CCBE1: variants seen among roughly 807,000 people sequenced by gnomAD.
CCBE1 encodes the protein collagen and calcium binding EGF domains 1, also known as collagen and calcium-binding EGF domain-containing protein 1.
In CCBE1, 37 loss-of-function variants were observed where a neutral mutation model predicts 50.0. The ratio of observed to expected loss-of-function variants is 0.74; its 90% CI spans 0.57 to 0.97. The LOEUF is 0.97. Ranked by LOEUF, CCBE1 falls within the 50% of genes least tolerant of loss-of-function variation. CCBE1 has a pLI of 0.00. For synonymous variants in CCBE1, 234 were observed against 203.7 expected, an observed-to-expected ratio of 1.15 and a Z score of -1.27; for missense variants, 538 against 523.8, an observed-to-expected ratio of 1.03 and a Z score of -0.26.
intron 2 of CCBE1, among the ~76,000 whole-genome samples, chr18:59,659,084 C>G (rs763486866): frequency 6.6e-6 from 1 of 152,090 alleles, no homozygotes; most frequent in African/African-American, 2.4e-5. Context: ...GCATGCCACG[C>G]GTTCCTTTGC....
At chr18:59,527,408 C>T (rs1914870226) in intron 2 of CCBE1, among the ~76,000 whole-genome samples, 1 of 152,154 alleles carries the variant, frequency 6.6e-6, no homozygotes, top group African/African-American at 2.4e-5. Context: ...GGAGATGGAT[C>T]TCTTGAACAC....
chr18:59,514,114 T>C (rs1223065141), intron 2 of CCBE1, among the ~76,000 whole-genome samples: 5 of 152,128 alleles, frequency 3.3e-5, no homozygotes, highest in African/African-American at 1.2e-4. Context: ...GTAAAGTCAG[T>C]TCATAAGCCC....
At chr18:59,442,098 C>T (rs1910456639) in intron 7 of CCBE1, among the ~76,000 whole-genome samples, 1 of 152,190 alleles carries the variant, frequency 6.6e-6, no homozygotes, top group Non-Finnish European at 1.5e-5. Flanking sequence ...TTCTTTCTGT[C>T]TTGTCTCCAT....
intron 2 of CCBE1, among the ~76,000 whole-genome samples, chr18:59,629,993 T>C (rs1291358428): frequency 6.6e-6 from 1 of 152,290 alleles, no homozygotes; most frequent in Non-Finnish European, 1.5e-5. Flanking sequence ...GAAAAGAAAG[T>C]TTCCAGAAAA....
intron 2 of CCBE1, among the ~76,000 whole-genome samples, chr18:59,632,166 C>G (rs1233993677): frequency 6.6e-6 from 1 of 152,204 alleles, no homozygotes; most frequent in Non-Finnish European, 1.5e-5. Flanking sequence ...CTATTCACTT[C>G]ATTGATGAGG....
intron 7 of CCBE1, among the ~76,000 whole-genome samples, chr18:59,444,974 T>C (rs1290624760): frequency 6.6e-6 from 1 of 152,190 alleles, no homozygotes; most frequent in Non-Finnish European, 1.5e-5. Context: ...CTTACAATTA[T>C]TTTCTTCCAT....
intron 2 of CCBE1, among the ~76,000 whole-genome samples, chr18:59,643,977 G>A (rs923927735): frequency 1.3e-5 from 2 of 152,136 alleles, no homozygotes; most frequent in Non-Finnish European, 2.9e-5. Context: ...CCCCACCTCT[G>A]GAGCCTCCCA....
At chr18:59,609,930 T>C (rs1302834430) in intron 2 of CCBE1, among the ~76,000 whole-genome samples, 1 of 152,234 alleles carries the variant, frequency 6.6e-6, no homozygotes, top group East Asian at 1.9e-4. Flanking sequence ...CTTTCTCTGA[T>C]GTTGGTTTAT....
rs76097493 is a variant in CCBE1 at position 59,681,230 on chromosome 18, A to T, written c.212+15399T>A. ...AAGGCCACAGCCAGCAAATTTGCACATGAAGTCTTTACGAGGGCCCTTAGA... is the reference window on the plus strand; with the variant it reads ...AAGGCCACAGCCAGCAAATTTGCACTTGAAGTCTTTACGAGGGCCCTTAGA... On this transcript the variant is annotated intron_variant, in intron 2 of 10. Transcript: ENST00000439986. Among the ~76,000 whole-genome samples, 1,148 of 152,338 alleles carry T rather than the reference A, an allele frequency of 7.5e-3. 8 individuals are homozygous for T. The highest frequency in any genetic ancestry group is 0.013 in the Non-Finnish European group (856 of 68,020).
intron 2 of CCBE1, among the ~76,000 whole-genome samples, chr18:59,652,970 A>G (rs1366108153): frequency 2.0e-5 from 3 of 151,628 alleles, no homozygotes; most frequent in Admixed American, 6.6e-5. Flanking sequence ...TCTCAAAAAA[A>G]AAAAGGATTT....
chr18:59,689,268 GA>G (rs1476768412), intron 2 of CCBE1, among the ~76,000 whole-genome samples: 3 of 152,198 alleles, frequency 2.0e-5, no homozygotes, highest in Non-Finnish European at 4.4e-5. Flanking sequence ...GAGGGCCAAG[GA>G]TGAGAAGCTT....
chr18:59,549,700 T>C (rs1915843932), intron 2 of CCBE1, among the ~76,000 whole-genome samples: 1 of 152,174 alleles, frequency 6.6e-6, no homozygotes, highest in Non-Finnish European at 1.5e-5. Context: ...TGCAGTGATA[T>C]AGTACCCAGT....
chr18:59,622,930 T>C (rs1404171613), intron 2 of CCBE1, among the ~76,000 whole-genome samples: 1 of 151,864 alleles, frequency 6.6e-6, no homozygotes, highest in Admixed American at 6.5e-5. Context: ...GATGATACTA[T>C]GATGGAAAAT....
chr18:59,532,826 A>G (rs754851433), intron 2 of CCBE1, among the ~76,000 whole-genome samples: 8 of 152,214 alleles, frequency 5.3e-5, no homozygotes, highest in Non-Finnish European at 8.8e-5. Context: ...AAACAATTAT[A>G]TACAATAAAA....
chr18:59,615,446 A>C (rs1483054770), intron 2 of CCBE1, among the ~76,000 whole-genome samples: 3 of 151,562 alleles, frequency 2.0e-5, no homozygotes, highest in Admixed American at 6.6e-5. Flanking sequence ...TTCCAGAGTC[A>C]TTTCCAATGT....
intron 2 of CCBE1, among the ~76,000 whole-genome samples, chr18:59,504,878 G>A (rs1913796624): frequency 6.6e-6 from 1 of 152,064 alleles, no homozygotes; most frequent in African/African-American, 2.4e-5. Flanking sequence ...TTTGCTTTCT[G>A]TGCCATTTGG....
At chr18:59,689,906 G>C (rs1338090177) in intron 2 of CCBE1, among the ~76,000 whole-genome samples, 1 of 152,142 alleles carries the variant, frequency 6.6e-6, no homozygotes. Flanking sequence ...GGGTTTTCCT[G>C]ACTCTGCTTG....
chr18:59,687,776 T>A (rs2054676304), intron 2 of CCBE1, among the ~76,000 whole-genome samples: 1 of 152,136 alleles, frequency 6.6e-6, no homozygotes, highest in African/African-American at 2.4e-5. Flanking sequence ...CTGGCCAACA[T>A]GGCAAAACCC....
chr18:59,575,300 T>C (rs555529616), intron 2 of CCBE1, among the ~76,000 whole-genome samples: 3 of 152,166 alleles, frequency 2.0e-5, no homozygotes, highest in Non-Finnish European at 4.4e-5. Flanking sequence ...TACCACAGAA[T>C]TCATGGGAAA....
Sources: allele counts gnomAD v4.1 joint callset (sites outside exome capture counted in the v4.1 genomes callset), GRCh38; gene constraint gnomAD v4.1.1; transcripts MANE v1.5; gene names NCBI Gene and HGNC (gene_info 2026-07-23, HGNC 2026-07-21).